FGF12: variants seen among roughly 807,000 people sequenced by gnomAD.
FGF12 encodes the protein fibroblast growth factor 12.
FGF12 carries 14 observed loss-of-function variants against 23.6 expected under a neutral mutation model. The observed-to-expected ratio is 0.59, with a 90% CI of 0.39 to 0.93. The LOEUF is 0.93. Ranked by LOEUF, FGF12 falls within the 40% of genes least tolerant of loss-of-function variation. The probability of loss-of-function intolerance (pLI) is 0.00; values close to 1 mark genes in which losing one functional copy is unlikely to be tolerated. For missense variants in FGF12, 175 were observed against 217.8 expected (o/e 0.80, Z 1.24); for synonymous variants, 62 against 77.3 (o/e 0.80, Z 1.04).
At chr3:192,441,163 C>T (rs1378941241) in intron 2 of FGF12, among the ~76,000 whole-genome samples, 1 of 152,180 alleles carries the variant, frequency 6.6e-6, no homozygotes, top group African/African-American at 2.4e-5. Flanking sequence ...CTTTCTTGGG[C>T]TTCAACTGCC....
Position 192,408,547 on chromosome 3 carries a change from G to C in FGF12, c.14-48009C>G. ...CACCCCAAGGCGATCGGCGTCCAAG[G>C]GGCAGTGGGGAGTTTAGTCACACTG... On this transcript the variant is annotated intron_variant, in intron 2 of 5. Transcript: ENST00000445105. The surrounding 1 kb of genome is among the most constrained non-coding windows in gnomAD (Gnocchi z 7.3). 1.7e-6 allele frequency: 2 copies of C among 1,163,206 alleles called. No individual in the cohort carries two copies. The highest frequency in any genetic ancestry group is 2.1e-6 in the Non-Finnish European group (2 of 941,468). The allele number at this position is 1,163,206 out of a possible 1,614,324, so 72.1% of individuals were successfully genotyped here.
Position 192,338,843 on chromosome 3 carries a change from A to G in FGF12, c.125-3379T>C, listed in dbSNP as rs185438078. Reference sequence around the variant, plus strand: ...AATATGCAAGATATGAACTAGATGCAAGGTACTTCATTTTAAATAAAAGCA... The same window carrying G: ...AATATGCAAGATATGAACTAGATGCGAGGTACTTCATTTTAAATAAAAGCA... On this transcript the variant is annotated intron_variant, in intron 3 of 5. Transcript: ENST00000445105. Among the ~76,000 whole-genome samples the G allele has an allele frequency of 3.4e-3, 520 of 152,354 alleles. 3 individuals carry two copies. The highest frequency in any genetic ancestry group is 9.5e-3 in the South Asian group (46 of 4,834).
At chr3:192,227,453 C>G (rs772151233) in intron 4 of FGF12, among the ~76,000 whole-genome samples, 1 of 151,682 alleles carries the variant, frequency 6.6e-6, no homozygotes, top group Non-Finnish European at 1.5e-5. Flanking sequence ...CGAAATGTAC[C>G]CTAAATGCTT....
intron 5 of FGF12, among the ~76,000 whole-genome samples, chr3:192,148,746 T>TA (rs1394938163): frequency 6.6e-6 from 1 of 152,084 alleles, no homozygotes; most frequent in Non-Finnish European, 1.5e-5. Context: ...TCCCCAATAA[T>TA]AAAAAACATT....
intron 2 of FGF12, among the ~76,000 whole-genome samples, chr3:192,651,153 G>A (rs974544934): frequency 4.6e-5 from 7 of 152,074 alleles, no homozygotes; most frequent in African/African-American, 1.7e-4. Context: ...TAATTACTTG[G>A]GTCAATGGGT....
chr3:192,190,604 T>C (rs1455700033), intron 4 of FGF12, among the ~76,000 whole-genome samples: 1 of 150,390 alleles, frequency 6.6e-6, no homozygotes, highest in Admixed American at 6.7e-5. Flanking sequence ...GCCTCCCGAG[T>C]AGCTGGGACT....
chr3:192,690,724 A>G (rs923470702), intron 2 of FGF12, among the ~76,000 whole-genome samples: 1 of 152,014 alleles, frequency 6.6e-6, no homozygotes, highest in Non-Finnish European at 1.5e-5. Context: ...TTTAAATGTA[A>G]GTGGACTACA....
intron 2 of FGF12, among the ~76,000 whole-genome samples, chr3:192,367,344 A>G (rs908222630): frequency 1.3e-5 from 2 of 152,194 alleles, no homozygotes; most frequent in African/African-American, 4.8e-5. Context: ...TTAACATTTA[A>G]TGTTGTCCAC....
chr3:192,561,070 C>A (rs1711997971), intron 2 of FGF12, among the ~76,000 whole-genome samples: 1 of 152,056 alleles, frequency 6.6e-6, no homozygotes, highest in African/African-American at 2.4e-5. Flanking sequence ...TACATGACTC[C>A]ATTTATCTGA....
Position 192,143,976 on chromosome 3 carries a change from G to T in FGF12, c.*33C>A. On this transcript the variant is annotated 3_prime_UTR_variant, in exon 6 of 6. Transcript: ENST00000445105. ...AAATGGGAAGGAAGGGAAGGGGAAG[G>T]GATGAGAGAGGGAAGAAGGGGAGAG... is the stretch of plus-strand genomic sequence containing the variant. The T allele has an allele frequency of 7.9e-7, 1 of 1,259,802 alleles. No homozygotes were observed. Among genetic ancestry groups the T allele is most frequent in the South Asian group, 1.2e-5 (1 of 83,712 alleles). 78.0% of individuals were successfully genotyped at this position (1,259,802 alleles called of 1,614,324 possible). A position where few individuals can be genotyped will look rare whatever the true frequency, so the allele number is the denominator to read the frequency against.
intron 2 of FGF12, among the ~76,000 whole-genome samples, chr3:192,554,598 C>T (rs1251147232): frequency 6.6e-6 from 1 of 152,040 alleles, no homozygotes; most frequent in Non-Finnish European, 1.5e-5. Flanking sequence ...TTCATAAAAA[C>T]TGATATATAT....
intron 2 of FGF12, among the ~76,000 whole-genome samples, chr3:192,551,362 G>A (rs1394036854): frequency 1.3e-5 from 2 of 152,196 alleles, no homozygotes; most frequent in African/African-American, 4.8e-5. Flanking sequence ...GCAGACTAGG[G>A]GAAGCAAGAA....
At chr3:192,456,190 A>C (rs1173615275) in intron 2 of FGF12, among the ~76,000 whole-genome samples, 1 of 152,252 alleles carries the variant, frequency 6.6e-6, no homozygotes, top group Non-Finnish European at 1.5e-5. Flanking sequence ...TTGAAATGTA[A>C]TTATGCTCTA....
intron 2 of FGF12, among the ~76,000 whole-genome samples, chr3:192,414,276 G>A (rs771489845): frequency 6.6e-6 from 1 of 152,186 alleles, no homozygotes. Context: ...ACAACTCTAT[G>A]AGGTAAGTTC....
At position 192,166,506 on chromosome 3, in the gene FGF12, T is replaced by G. The variant is rs1401642862; in HGVS notation, c.427+3952A>C. ...CCTGTCTTACCAGTTTTAAATGGGG[T>G]TTAAGAACTTGATTGTTCAAGTCAG... On this transcript the variant is annotated intron_variant, in intron 5 of 5. Transcript: ENST00000445105. Among the ~76,000 whole-genome samples, 6 of 152,346 alleles carry G rather than the reference T, an allele frequency of 3.9e-5. No individual in the cohort carries two copies. The East Asian group carries it at 9.6e-4, about 24-fold the overall frequency.
At chr3:192,156,028 T>C (rs1212373567) in intron 5 of FGF12, among the ~76,000 whole-genome samples, 1 of 152,188 alleles carries the variant, frequency 6.6e-6, no homozygotes, top group African/African-American at 2.4e-5. Flanking sequence ...CAGGAATAGA[T>C]TTGCCATGCT....
chr3:192,570,687 C>T (rs1712591759), intron 2 of FGF12, among the ~76,000 whole-genome samples: 1 of 151,946 alleles, frequency 6.6e-6, no homozygotes, highest in Non-Finnish European at 1.5e-5. Context: ...TATGCAGATC[C>T]CCAAACTTCA....
At chr3:192,498,244 T>C (rs539727270) in intron 2 of FGF12, among the ~76,000 whole-genome samples, 2 of 152,344 alleles carry the variant, frequency 1.3e-5, no homozygotes, top group African/African-American at 2.4e-5. Flanking sequence ...ATTTGCTCCC[T>C]GGCTACACTA....
At chr3:192,443,861 C>A (rs1046814041) in intron 2 of FGF12, among the ~76,000 whole-genome samples, 2 of 152,112 alleles carry the variant, frequency 1.3e-5, no homozygotes, top group African/African-American at 4.8e-5. Flanking sequence ...TTATGGGAAC[C>A]AGGAGAATAG....
Sources: allele counts gnomAD v4.1 joint callset (sites outside exome capture counted in the v4.1 genomes callset), GRCh38; gene constraint gnomAD v4.1.1; non-coding constraint Gnocchi (gnomAD v3.1); transcripts MANE v1.5; gene names NCBI Gene and HGNC (gene_info 2026-07-23, HGNC 2026-07-21).